The following TAX1BP1 variants were observed in gnomAD, a reference collection of about 807,000 sequenced individuals.
The protein encoded by TAX1BP1 is tax1-binding protein 1.
In TAX1BP1, 62 loss-of-function variants were observed where a neutral mutation model predicts 97.7. The observed-to-expected ratio is 0.63, with a 90% CI of 0.52 to 0.78. The LOEUF (loss-of-function observed/expected upper bound fraction) is 0.78. TAX1BP1 is among the 30% of genes least tolerant of loss of function. TAX1BP1 has a pLI of 0.00. For missense variants in TAX1BP1, 867 were observed against 916.1 expected (o/e 0.95, Z 0.69); for synonymous variants, 340 against 304.2 (o/e 1.12, Z -1.23).
At chr7:27,785,024 A>T (rs1048722409) in intron 5 of TAX1BP1, 139 bp from the exon 6 acceptor site, 6 of 737,690 alleles carry the variant, frequency 8.1e-6, no homozygotes, top group Non-Finnish European at 1.3e-5. Context: ...CAAGTTTTAT[A>T]GTCTTAGCTT....
chr7:27,756,216 GGAGCTTA>G (rs1301369107), intron 2 of TAX1BP1, among the ~76,000 whole-genome samples: 1 of 152,094 alleles, frequency 6.6e-6, no homozygotes, highest in Non-Finnish European at 1.5e-5. Context: ...CTTTCATGTG[GGAGCTTA>G]GATATAAGAC....
chr7:27,811,066 A>G (rs1163171926), intron 13 of TAX1BP1, among the ~76,000 whole-genome samples: 1 of 152,150 alleles, frequency 6.6e-6, no homozygotes, highest in African/African-American at 2.4e-5. Context: ...TATTAGACTG[A>G]ATTCTTTGCA....
chr7:27,746,939 T>C (rs1364484621), intron 1 of TAX1BP1, among the ~76,000 whole-genome samples: 1 of 152,212 alleles, frequency 6.6e-6, no homozygotes, highest in Non-Finnish European at 1.5e-5. Context: ...AAATTTGCCT[T>C]AGTATTTCAA....
At chr7:27,784,783 G>A (rs1189820052) in intron 5 of TAX1BP1, among the ~76,000 whole-genome samples, 1 of 151,784 alleles carries the variant, frequency 6.6e-6, no homozygotes, top group East Asian at 1.9e-4. Context: ...TTGAGCCCAG[G>A]AGTTTCAGCC....
chr7:27,799,542 G>A (rs1267629755), intron 12 of TAX1BP1, among the ~76,000 whole-genome samples: 1 of 152,074 alleles, frequency 6.6e-6, no homozygotes, highest in Non-Finnish European at 1.5e-5. Context: ...ATGAAGAGTA[G>A]AGATGGCAAA....
In TAX1BP1 at chr7:27,769,665, T is replaced by C. The variant is rs779880208; in HGVS notation, c.454-11T>C. Reference sequence around the variant, plus strand: ...CAAAAAACTAATTAATCTGAGTTTTTTGCTTTATAGTTGAAAATTGAGAAA... The same window carrying C: ...CAAAAAACTAATTAATCTGAGTTTTCTGCTTTATAGTTGAAAATTGAGAAA... On this transcript the variant is annotated splice_polypyrimidine_tract_variant and intron_variant, in intron 4 of 16. Coordinates refer to ENST00000396319, the MANE Select transcript of TAX1BP1 (RefSeq NM_006024.7). 1.9e-6 allele frequency: 3 copies of C among 1,585,740 alleles called. No homozygotes were observed. In the East Asian group the frequency reaches 6.7e-5, roughly 36 times the overall value.
chr7:27,772,044 A>T (rs568151291), intron 5 of TAX1BP1: 17 of 152,086 alleles, frequency 1.1e-4, no homozygotes, highest in Non-Finnish European at 2.5e-4. Flanking sequence ...TAACCAAAAA[A>T]ACCCTCTAAG....
intron 13 of TAX1BP1, among the ~76,000 whole-genome samples, chr7:27,803,533 A>G (rs1790219743): frequency 6.6e-6 from 1 of 152,226 alleles, no homozygotes; most frequent in Admixed American, 6.5e-5. Flanking sequence ...TAATAATACT[A>G]CAACATTATT....
In TAX1BP1 at chr7:27,792,086, G is replaced by T. The variant is rs1359182387; in HGVS notation, c.1119G>T (p.Leu373=). 6.2e-7 allele frequency: 1 copy of T among 1,613,966 alleles called. No individual in the cohort carries two copies. Among genetic ancestry groups the T allele is most frequent in the African/African-American group, 1.3e-5 (1 of 74,912 alleles). ...VQATRQEVVF[L]AKELSDAVNV... ...CAACTCGGCAAGAAGTTGTCTTTCT[G>T]GCTAAAGAACTCAGTGATGCTGTCA... Residue 373 remains leucine, a synonymous_variant, in exon 9 of 17, where the codon CTG becomes CTT. Coordinates refer to ENST00000396319, the MANE Select transcript of TAX1BP1 (RefSeq NM_006024.7).
At chr7:27,753,764 A>C (rs1788107476) in intron 2 of TAX1BP1, among the ~76,000 whole-genome samples, 1 of 152,224 alleles carries the variant, frequency 6.6e-6, no homozygotes, top group South Asian at 2.1e-4. Context: ...AAACAGCCGG[A>C]GTAAAAGTTA....
chr7:27,787,054 TGTC>T (rs1405158649), intron 7 of TAX1BP1, among the ~76,000 whole-genome samples: 2 of 152,200 alleles, frequency 1.3e-5, no homozygotes, highest in African/African-American at 2.4e-5. Flanking sequence ...TCCAGAGTCT[TGTC>T]GTGCCAGATT....
At chr7:27,779,765 T>G (rs1789182714) in intron 5 of TAX1BP1, among the ~76,000 whole-genome samples, 3 of 152,174 alleles carry the variant, frequency 2.0e-5, no homozygotes, top group Admixed American at 1.3e-4. Flanking sequence ...AGATTTGCTT[T>G]GCATGATTAT....
At position 27,779,262 on chromosome 7, in the gene TAX1BP1, C is replaced by G. The variant is rs144518064; in HGVS notation, c.613-5901C>G. 4.5e-4 allele frequency among the ~76,000 whole-genome samples: 68 copies of G among 152,302 alleles called. No individual in the cohort carries two copies. In the East Asian group the frequency reaches 0.011, roughly 25 times the overall value. ...ACCCCAGCCTCTCAAGTAACTGGGA[C>G]TACAGGTGTGCACCACTGTGCTTGG... On this transcript the variant is annotated intron_variant, in intron 5 of 16. Coordinates refer to ENST00000396319, the MANE Select transcript of TAX1BP1 (RefSeq NM_006024.7).
At chr7:27,792,977 A>G (rs927287024) in intron 9 of TAX1BP1, 89 bp from the exon 10 acceptor site, 2 of 1,260,152 alleles carry the variant, frequency 1.6e-6, no homozygotes, top group Non-Finnish European at 1.1e-6. Context: ...CAAAAAAAAG[A>G]AAAAAAGTAA....
chr7:27,780,433 G>T (rs781216418), intron 5 of TAX1BP1, among the ~76,000 whole-genome samples: 4 of 152,088 alleles, frequency 2.6e-5, no homozygotes, highest in Non-Finnish European at 5.9e-5. Flanking sequence ...GAGCCTTATA[G>T]TCGTTCCTAA....
intron 15 of TAX1BP1, among the ~76,000 whole-genome samples, chr7:27,824,365 C>A (rs1791090756): frequency 6.6e-6 from 1 of 151,548 alleles, no homozygotes; most frequent in African/African-American, 2.4e-5. Flanking sequence ...GAGTTTGAGA[C>A]CAGCCTGGGT....
In TAX1BP1 at chr7:27,771,253, CT is replaced by C. The variant is rs111798171; in HGVS notation, c.612+1433del. ...TAGTTTTCCAAAGTTTAATGTCAAT[CT>C]TTTTTTTTTTTTTCACTGTATTACA... On this transcript the variant is annotated intron_variant, in intron 5 of 16. Transcript: ENST00000396319. Among the ~76,000 whole-genome samples the C allele has an allele frequency of 9.7e-3, 1,292 of 133,482 alleles. 11 individuals are homozygous for C. The highest frequency in any genetic ancestry group is 0.027 in the African/African-American group (996 of 36,764). The allele number at this position is 133,482 out of a possible 152,430, so 87.6% of individuals were successfully genotyped here.
At chr7:27,822,097 C>T (rs894293307) in intron 15 of TAX1BP1, among the ~76,000 whole-genome samples, 3 of 152,076 alleles carry the variant, frequency 2.0e-5, no homozygotes, top group African/African-American at 4.8e-5. Context: ...AAAGGAAATG[C>T]TTACTGGAGC....
intron 3 of TAX1BP1, among the ~76,000 whole-genome samples, chr7:27,760,440 T>G (rs1437609837): frequency 6.6e-6 from 1 of 151,226 alleles, no homozygotes; most frequent in Non-Finnish European, 1.5e-5. Flanking sequence ...TCTCCCAGGC[T>G]GGAGTGCAGT....
Sources: gnomAD v4.1 joint callset for allele counts (sites outside exome capture counted in the v4.1 genomes callset) on GRCh38, gnomAD v4.1.1 for gene constraint, MANE v1.5 for transcripts, NCBI Gene and HGNC (gene_info 2026-07-23, HGNC 2026-07-21) for gene names.